The following KIF6 variants were observed in gnomAD, a reference collection of about 807,000 sequenced individuals.
The protein encoded by KIF6 is kinesin-like protein KIF6.
In KIF6, 106 loss-of-function variants were observed where a neutral mutation model predicts 112.7. The ratio of observed to expected loss-of-function variants is 0.94; its 90% CI spans 0.80 to 1.11. The LOEUF is 1.11. Among genes scored for constraint, KIF6 ranks in the 50% least tolerant of loss-of-function variants. The pLI, the probability that KIF6 is intolerant of heterozygous loss-of-function variation, is 0.00. For synonymous variants in KIF6, 339 were observed against 339.9 expected, an observed-to-expected ratio of 1.00 and a Z score of 0.03; for missense variants, 929 against 964.0, an observed-to-expected ratio of 0.96 and a Z score of 0.48.
intron 3 of KIF6, among the ~76,000 whole-genome samples, chr6:39,671,366 A>T (rs1786807053): frequency 6.6e-6 from 1 of 152,190 alleles, no homozygotes; most frequent in Non-Finnish European, 1.5e-5. Context: ...CAATGCCTGG[A>T]GAGATCTCTA....
intron 14 of KIF6, among the ~76,000 whole-genome samples, chr6:39,427,849 A>T (rs1477065324): frequency 1.3e-5 from 2 of 152,302 alleles, no homozygotes; most frequent in African/African-American, 4.8e-5. Flanking sequence ...GCTTTGGAAG[A>T]CCACAACATC....
At chr6:39,497,545 C>T (rs759526230) in intron 13 of KIF6, among the ~76,000 whole-genome samples, 24 of 152,114 alleles carry the variant, frequency 1.6e-4, no homozygotes, top group Non-Finnish European at 2.8e-4. Flanking sequence ...AGCACAAAGC[C>T]CAGTGTTCAG....
chr6:39,656,859 G>T (rs1183416501), intron 3 of KIF6, among the ~76,000 whole-genome samples: 1 of 152,168 alleles, frequency 6.6e-6, no homozygotes, highest in Admixed American at 6.5e-5. Context: ...TCCTAAGAGA[G>T]AATGGAGGCT....
chr6:39,348,304 G>C (rs1763957366), intron 19 of KIF6, among the ~76,000 whole-genome samples: 1 of 152,144 alleles, frequency 6.6e-6, no homozygotes, highest in African/African-American at 2.4e-5. Context: ...GGGAGGGGGT[G>C]GAAGAGGATG....
chr6:39,719,120 A>G (rs1790047835), intron 2 of KIF6, among the ~76,000 whole-genome samples: 1 of 152,208 alleles, frequency 6.6e-6, no homozygotes, highest in African/African-American at 2.4e-5. Flanking sequence ...GAAGTTCGAG[A>G]CCAGCCTGGC....
At position 39,422,396 on chromosome 6, in the gene KIF6, A is replaced by G. The variant is rs184643307; in HGVS notation, c.1755-2393T>C. Among the ~76,000 whole-genome samples the G allele has an allele frequency of 1.2e-4, 19 of 152,296 alleles. No homozygotes were observed. In the East Asian group the frequency reaches 3.1e-3, roughly 25 times the overall value. On this transcript the variant is annotated intron_variant, in intron 14 of 22. Coordinates refer to ENST00000287152, the MANE Select transcript of KIF6 (RefSeq NM_145027.6). ...GCTGGCAGAAACTGTGTGGAAAGCC[A>G]CGAGCTGTTCCTGTTTCTCTGTTGC...
At chr6:39,525,054 G>A (rs1777630371) in intron 13 of KIF6, among the ~76,000 whole-genome samples, 1 of 152,180 alleles carries the variant, frequency 6.6e-6, no homozygotes, top group Non-Finnish European at 1.5e-5. Context: ...CTTTTCTGTT[G>A]CCTACAAGTA....
In KIF6 at chr6:39,639,363, G is replaced by A. The variant is rs150927340; in HGVS notation, c.399+247C>T. Among the ~76,000 whole-genome samples the A allele has an allele frequency of 4.6e-5, 7 of 152,154 alleles. No homozygotes were observed. The East Asian group carries it at 1.2e-3, about 25-fold the overall frequency. ...TTGTCTGCTCTTTCAACCTTCGTGC[G>A]TATATCAGAAGGAAATGTCCTTGAG... On this transcript the variant is annotated intron_variant, in intron 4 of 22. Coordinates refer to ENST00000287152, the MANE Select transcript of KIF6 (RefSeq NM_145027.6).
intron 16 of KIF6, among the ~76,000 whole-genome samples, chr6:39,385,022 G>A (rs1226656226): frequency 6.6e-6 from 1 of 152,230 alleles, no homozygotes; most frequent in African/African-American, 2.4e-5. Context: ...ATGCGTTAAA[G>A]CGGGTTGATC....
chr6:39,704,190 T>C (rs545378768), intron 3 of KIF6, among the ~76,000 whole-genome samples: 34 of 152,332 alleles, frequency 2.2e-4, no homozygotes, highest in African/African-American at 7.5e-4. Context: ...TGATAGCTAA[T>C]ACTCATTGAG....
intron 4 of KIF6, among the ~76,000 whole-genome samples, chr6:39,637,221 C>G (rs561806782): frequency 1.9e-4 from 29 of 152,084 alleles, no homozygotes; most frequent in African/African-American, 7.0e-4. Flanking sequence ...GTCAGGAAAA[C>G]AGCAGGTCCA....
chr6:39,441,459 T>C (rs957877304), intron 13 of KIF6, among the ~76,000 whole-genome samples: 3 of 152,164 alleles, frequency 2.0e-5, no homozygotes, highest in African/African-American at 7.2e-5. Context: ...TGCCCTAGCA[T>C]GTGTGTATCA....
At chr6:39,375,591 G>A (rs549868644) in intron 16 of KIF6, among the ~76,000 whole-genome samples, 25 of 152,286 alleles carry the variant, frequency 1.6e-4, no homozygotes, top group Middle Eastern at 3.4e-3. Context: ...GCCCTTGGAC[G>A]TTGGCACTCT....
intron 3 of KIF6, among the ~76,000 whole-genome samples, chr6:39,658,228 A>G (rs1429367320): frequency 6.6e-6 from 1 of 152,186 alleles, no homozygotes; most frequent in Admixed American, 6.5e-5. Context: ...CTTTATTTTA[A>G]AAGAACTATA....
intron 14 of KIF6, among the ~76,000 whole-genome samples, chr6:39,421,101 T>A (rs1186968395): frequency 2.0e-5 from 3 of 152,330 alleles, no homozygotes; most frequent in African/African-American, 7.2e-5. Context: ...TGAAAGCCTA[T>A]GAAAGCAAGC....
At position 39,578,141 on chromosome 6, in the gene KIF6, T is replaced by A; in HGVS notation, c.1096A>T (p.Lys366Ter). Residue 366 changes from lysine (K) to a stop codon, truncating the protein, a stop_gained, in exon 10 of 23, where the codon AAG becomes TAG. Transcript: ENST00000287152. LOFTEE classifies it high-confidence loss of function. Reference sequence around the variant, plus strand: ...TCATCCTTCAGTTCCTGGATTTCCTTTTGTAGGCGTTTAATCACCTACAAA... The same window carrying A: ...TCATCCTTCAGTTCCTGGATTTCCTATTGTAGGCGTTTAATCACCTACAAA... ...NPRLVIKRLQ[K>*]EIQELKDELA... The A allele has an allele frequency of 6.2e-7, 1 of 1,613,582 alleles. No homozygotes were observed. The highest frequency in any genetic ancestry group is 8.5e-7 in the Non-Finnish European group (1 of 1,179,500).
rs569100101 is a variant in KIF6, at chr6:39,542,631, T to C, written c.1426+1924A>G. Among the ~76,000 whole-genome samples, 82 of 152,318 alleles carry C rather than the reference T, an allele frequency of 5.4e-4. 1 individual carries two copies. The highest frequency in any genetic ancestry group is 3.7e-3 in the Admixed American group (56 of 15,300). On this transcript the variant is annotated intron_variant, in intron 12 of 22. Transcript: ENST00000287152. ...ACTGTGAGATTTCAGGAGGTTTTCT[T>C]AGTCGTTGGTCTTTGATAAGCACAG... is the stretch of plus-strand genomic sequence containing the variant.
chr6:39,510,593 T>C (rs575460031), intron 13 of KIF6, among the ~76,000 whole-genome samples: 34 of 152,184 alleles, frequency 2.2e-4, no homozygotes, highest in Admixed American at 1.6e-3. Flanking sequence ...TGCAAAAACA[T>C]GCCAGATTTA....
At chr6:39,439,770 C>T (rs1239718013) in intron 13 of KIF6, among the ~76,000 whole-genome samples, 1 of 152,038 alleles carries the variant, frequency 6.6e-6, no homozygotes, top group Non-Finnish European at 1.5e-5. Context: ...TTGGGAAGCC[C>T]TCCCCATCCC....
Sources: gnomAD v4.1 joint callset for allele counts (sites outside exome capture counted in the v4.1 genomes callset) on GRCh38, gnomAD v4.1.1 for gene constraint, MANE v1.5 for transcripts, NCBI Gene and HGNC (gene_info 2026-07-23, HGNC 2026-07-21) for gene names.